The following NR3C1 variants were observed in gnomAD, a reference collection of about 807,000 sequenced individuals.
The protein encoded by NR3C1 is nuclear receptor subfamily 3 group C member 1.
Under a neutral mutation model 74.0 loss-of-function variants are expected in NR3C1, and 14 were observed. The observed-to-expected ratio is 0.19, with a 90% CI of 0.12 to 0.30. The LOEUF is 0.30. Ranked by LOEUF, NR3C1 falls within the 10% of genes least tolerant of loss-of-function variation. NR3C1 has a pLI of 1.00. For missense variants in NR3C1, 695 were observed against 909.8 expected (o/e 0.76, Z 3.04); for synonymous variants, 308 against 332.5 (o/e 0.93, Z 0.80).
chr5:143,298,470 A>ATGCCACATG (rs1472576206), intron 6 of NR3C1, among the ~76,000 whole-genome samples, 198 bp downstream of exon 6: 34 of 152,216 alleles, frequency 2.2e-4, no homozygotes, highest in Admixed American at 2.2e-3. Context: ...GACAGTAATA[A>ATGCCACATG]TGCCACATGT....
chr5:143,324,453 C>T (rs1455201630), intron 2 of NR3C1, among the ~76,000 whole-genome samples: 2 of 152,194 alleles, frequency 1.3e-5, no homozygotes, highest in Non-Finnish European at 2.9e-5. Flanking sequence ...ACACAGGGCA[C>T]AAAGTCCCTA....
chr5:143,397,368 G>A (rs889241613), intron 2 of NR3C1, among the ~76,000 whole-genome samples: 1 of 151,806 alleles, frequency 6.6e-6, no homozygotes, highest in Non-Finnish European at 1.5e-5. Context: ...CAGGGTCACT[G>A]GTCATAGCAA....
chr5:143,411,524 T>C (rs1366919284), intron 1 of NR3C1, among the ~76,000 whole-genome samples: 1 of 152,220 alleles, frequency 6.6e-6, no homozygotes, highest in Non-Finnish European at 1.5e-5. Context: ...CTTTGCTGAT[T>C]GGATATTAAT....
intron 2 of NR3C1, among the ~76,000 whole-genome samples, chr5:143,370,912 G>C (rs1228631876): frequency 1.3e-5 from 2 of 152,184 alleles, no homozygotes; most frequent in East Asian, 1.9e-4. Flanking sequence ...TCTGATCCTA[G>C]AGATCTATCA....
chr5:143,334,180 G>A (rs1303910187), intron 2 of NR3C1, among the ~76,000 whole-genome samples: 5 of 152,076 alleles, frequency 3.3e-5, no homozygotes, highest in Admixed American at 6.5e-5. Flanking sequence ...TTGGGAGTTC[G>A]AGACCAGCCT....
At chr5:143,336,528 T>C (rs1477415080) in intron 2 of NR3C1, among the ~76,000 whole-genome samples, 1 of 151,920 alleles carries the variant, frequency 6.6e-6, no homozygotes, top group African/African-American at 2.4e-5. Context: ...GCTCAAAAAC[T>C]GGGGGTAAAG....
At chr5:143,413,233 G>A (rs1841360157) in intron 1 of NR3C1, among the ~76,000 whole-genome samples, 1 of 152,150 alleles carries the variant, frequency 6.6e-6, no homozygotes, top group Admixed American at 6.5e-5. Context: ...TTAAGGTTAG[G>A]AAAATGGGTG....
intron 7 of NR3C1, among the ~76,000 whole-genome samples, chr5:143,292,249 T>G (rs1270025672): frequency 6.6e-6 from 1 of 152,158 alleles, no homozygotes; most frequent in East Asian, 1.9e-4. Flanking sequence ...TGCAGCTCTC[T>G]CAGTTGTAAT....
chr5:143,374,518 A>G (rs903624017), intron 2 of NR3C1, among the ~76,000 whole-genome samples: 2 of 152,116 alleles, frequency 1.3e-5, no homozygotes, highest in Admixed American at 1.3e-4. Context: ...AGTGAGTAAA[A>G]AAGACATGAT....
chr5:143,365,470 T>C (rs1833025436), intron 2 of NR3C1, among the ~76,000 whole-genome samples: 1 of 152,342 alleles, frequency 6.6e-6, no homozygotes, highest in Non-Finnish European at 1.5e-5. Flanking sequence ...ATCAAGAAGA[T>C]ATAATAATCA....
chr5:143,405,741 C>T (rs998665917), upstream of NR3C1, among the ~76,000 whole-genome samples: 2 of 152,152 alleles, frequency 1.3e-5, no homozygotes, highest in Non-Finnish European at 2.9e-5. Context: ...ATGAAGGGCG[C>T]TGAGCAACTC....
chr5:143,331,183 A>G (rs1825861215), intron 2 of NR3C1, among the ~76,000 whole-genome samples: 1 of 152,210 alleles, frequency 6.6e-6, no homozygotes, highest in Non-Finnish European at 1.5e-5. Flanking sequence ...CAAAGTCAAC[A>G]AAAACAAGTA....
chr5:143,359,656 C>T (rs906688662), intron 2 of NR3C1, among the ~76,000 whole-genome samples: 2 of 152,192 alleles, frequency 1.3e-5, no homozygotes, highest in Admixed American at 6.5e-5. Flanking sequence ...GTGGCTCACA[C>T]CTGTAATCCC....
chr5:143,279,469 T>C lies in NR3C1; in HGVS notation c.*2420A>G. Reference sequence around the variant, plus strand: ...CTCTTTTTGAAACTTAACACTGTCATTGATAAGAATATTCAAGCAGTTTTC... The same window carrying C: ...CTCTTTTTGAAACTTAACACTGTCACTGATAAGAATATTCAAGCAGTTTTC... On this transcript the variant is annotated 3_prime_UTR_variant, in exon 9 of 9. Transcript: ENST00000394464. The C allele has an allele frequency of 1.4e-6, 2 of 1,454,566 alleles. No individual in the cohort carries two copies. Among genetic ancestry groups the C allele is most frequent in the African/African-American group, 1.5e-5 (1 of 67,800 alleles). The allele number at this position is 1,454,566 out of a possible 1,614,324, so 90.1% of individuals were successfully genotyped here.
rs1813581295 is a variant in NR3C1, at chr5:143,283,439, A to AT, written c.2024-715dup. On this transcript the variant is annotated intron_variant, in intron 7 of 8. Coordinates refer to ENST00000394464, the MANE Select transcript of NR3C1 (RefSeq NM_000176.3). ...GAGGACCAAATGAAATAATACAGTG[A>AT]TTTTTAGTTAACTTTGTCTGCCATT... 2.0e-5 allele frequency among the ~76,000 whole-genome samples: 3 copies of AT among 152,290 alleles called. No homozygotes were observed. In the South Asian group the frequency reaches 6.2e-4, roughly 32 times the overall value.
At chr5:143,332,809 A>G (rs1282261645) in intron 2 of NR3C1, 28 of 1,502,298 alleles carry the variant, frequency 1.9e-5, no homozygotes, top group Non-Finnish European at 2.5e-5. Context: ...TTACGGGTGC[A>G]GAGAACCACT....
At chr5:143,288,819 T>C (rs1343665966) in intron 7 of NR3C1, among the ~76,000 whole-genome samples, 1 of 151,896 alleles carries the variant, frequency 6.6e-6, no homozygotes, top group East Asian at 1.9e-4. Flanking sequence ...AAAAAATACG[T>C]GGAAGACCAG....
intron 2 of NR3C1, among the ~76,000 whole-genome samples, chr5:143,396,766 C>T (rs1839267834): frequency 6.6e-6 from 1 of 151,782 alleles, no homozygotes; most frequent in Non-Finnish European, 1.5e-5. Context: ...TAATCCCTCC[C>T]TTCAGGATAC....
intron 6 of NR3C1, among the ~76,000 whole-genome samples, chr5:143,297,830 AG>A (rs1817635840): frequency 1.3e-5 from 2 of 152,212 alleles, no homozygotes; most frequent in Non-Finnish European, 2.9e-5. Context: ...TATGCTGGAA[AG>A]GATGGATGGG....
Sources: allele counts gnomAD v4.1 joint callset (sites outside exome capture counted in the v4.1 genomes callset), GRCh38; gene constraint gnomAD v4.1.1; transcripts MANE v1.5; gene names NCBI Gene and HGNC (gene_info 2026-07-23, HGNC 2026-07-21).